The following TNKS variants were observed in gnomAD, a reference collection of about 807,000 sequenced individuals.
The protein encoded by TNKS is tankyrase, also known as poly [ADP-ribose] polymerase tankyrase-1.
A neutral mutation model predicts 135.8 loss-of-function variants in TNKS; 72 were observed. The observed-to-expected ratio is 0.53, with a 90% CI of 0.44 to 0.64. TNKS has a LOEUF of 0.64. Ranked by LOEUF, TNKS falls within the 30% of genes least tolerant of loss-of-function variation. TNKS has a pLI of 0.00. For missense variants in TNKS, 1,769 were observed against 1,674.0 expected (o/e 1.06, Z -0.99); for synonymous variants, 849 against 649.3 (o/e 1.31, Z -4.68).
chr8:9,660,181 C>T (rs974399333), intron 3 of TNKS, among the ~76,000 whole-genome samples: 1 of 152,196 alleles, frequency 6.6e-6, no homozygotes, highest in Non-Finnish European at 1.5e-5. Flanking sequence ...GGTACCATTC[C>T]TTCTGAAACT....
intron 3 of TNKS, among the ~76,000 whole-genome samples, chr8:9,630,052 C>A (rs886924054): frequency 9.9e-5 from 15 of 152,194 alleles, no homozygotes; most frequent in Non-Finnish European, 1.9e-4. Context: ...CCTGACCTCT[C>A]AAATGGGCTA....
At chr8:9,750,747 A>T (rs1806479267) in intron 18 of TNKS, among the ~76,000 whole-genome samples, 1 of 152,200 alleles carries the variant, frequency 6.6e-6, no homozygotes, top group Admixed American at 6.5e-5. Context: ...GTTTAACGTG[A>T]CAATTTATTA....
Position 9,780,371 on chromosome 8 carries a change from G to A in TNKS, c.*3635G>A, listed in dbSNP as rs1406896164. 5 of 152,142 alleles carry A rather than the reference G, an allele frequency of 3.3e-5. No individual in the cohort carries two copies. Among genetic ancestry groups the A allele is most frequent in the African/African-American group, 1.2e-4 (5 of 41,422 alleles). 9.4% of individuals were successfully genotyped at this position (152,142 alleles called of 1,614,324 possible). On this transcript the variant is annotated 3_prime_UTR_variant, in exon 27 of 27. Transcript: ENST00000310430. ...TGTTGGACTAATTGTCTCACGTAAA[G>A]CTATAGACCTTACTAATTTGGCAGG...
intron 3 of TNKS, among the ~76,000 whole-genome samples, chr8:9,630,495 C>G (rs1294486723): frequency 2.0e-5 from 3 of 152,146 alleles, no homozygotes; most frequent in African/African-American, 7.2e-5. Flanking sequence ...TCTGCAAGTT[C>G]TACTTTCAGC....
chr8:9,572,806 C>T (rs1011881089), intron 1 of TNKS, among the ~76,000 whole-genome samples: 1 of 152,214 alleles, frequency 6.6e-6, no homozygotes, highest in African/African-American at 2.4e-5. Flanking sequence ...TTTAGAGATA[C>T]TCAAAAGTGT....
chr8:9,603,805 A>T (rs6601340), intron 2 of TNKS, among the ~76,000 whole-genome samples: 63,398 of 152,012 alleles, frequency 0.42, 13,654 homozygotes, highest in East Asian at 0.6. Flanking sequence ...CAAGAGAAAC[A>T]TAATAGCACG....
chr8:9,672,273 G>C (rs973451525), intron 3 of TNKS, among the ~76,000 whole-genome samples: 1 of 152,068 alleles, frequency 6.6e-6, no homozygotes, highest in African/African-American at 2.4e-5. Flanking sequence ...GCAGTTTTAG[G>C]CATCCACTTA....
At chr8:9,745,092 C>G (rs908879474) in intron 17 of TNKS, among the ~76,000 whole-genome samples, 1 of 152,108 alleles carries the variant, frequency 6.6e-6, no homozygotes, top group African/African-American at 2.4e-5. Flanking sequence ...AGCTTGTAAC[C>G]TCACTGGGGA....
At chr8:9,727,590 T>C (rs1206082716) in intron 13 of TNKS, among the ~76,000 whole-genome samples, 1 of 152,210 alleles carries the variant, frequency 6.6e-6, no homozygotes, top group Non-Finnish European at 1.5e-5. Flanking sequence ...CCTTTATTAT[T>C]TTTATCGAAA....
intron 3 of TNKS, among the ~76,000 whole-genome samples, chr8:9,648,263 CT>C (rs1470017271): frequency 2.0e-5 from 3 of 151,974 alleles, no homozygotes; most frequent in Admixed American, 2.0e-4. Flanking sequence ...CTTCCTGTAA[CT>C]TTTTTCACTT....
chr8:9,584,244 A>G (rs1447363096), intron 2 of TNKS, among the ~76,000 whole-genome samples: 1 of 151,854 alleles, frequency 6.6e-6, no homozygotes, highest in East Asian at 1.9e-4. Flanking sequence ...ATTAGTATCC[A>G]ATTCTTTTTC....
chr8:9,662,400 G>A (rs1263865735), intron 3 of TNKS, among the ~76,000 whole-genome samples: 1 of 152,140 alleles, frequency 6.6e-6, no homozygotes, highest in Non-Finnish European at 1.5e-5. Flanking sequence ...ATACACCATG[G>A]AATACTATGC....
intron 2 of TNKS, among the ~76,000 whole-genome samples, chr8:9,587,009 G>T (rs186959635): frequency 6.6e-6 from 1 of 152,274 alleles, no homozygotes; most frequent in Admixed American, 6.5e-5. Context: ...GAAGTTACAT[G>T]CTATATGTGG....
In TNKS at chr8:9,710,037, A is replaced by G; in HGVS notation, c.1661A>G (p.Lys554Arg). 1.2e-6 allele frequency: 2 copies of G among 1,613,872 alleles called. No individual in the cohort carries two copies. The highest frequency in any genetic ancestry group is 2.2e-5 in the East Asian group (1 of 44,878). ...LLRKGANVNE[K>R]NKDFMTPLHV... ...AGAAAAGGAGCAAATGTTAATGAAA[A>G]AAATAAAGAGTAAGTATAATTGCAG... The change falls in exon 10 of 27, where the codon AAA (lysine) becomes AGA (arginine). Residue 554 changes from lysine (K) to arginine (R), a missense_variant. By Grantham distance (26) the Lys-to-Arg change is conservative. Around this residue, in one of 5 missense-constraint regions of TNKS, gnomAD observed 523 missense variants for 541.0 expected, o/e 0.97. Transcript: ENST00000310430.
intron 5 of TNKS, among the ~76,000 whole-genome samples, chr8:9,682,103 T>C (rs1563164586): frequency 6.6e-6 from 1 of 152,142 alleles, no homozygotes; most frequent in South Asian, 2.1e-4. Flanking sequence ...TTTCACACTC[T>C]TGTGTGCACT....
intron 3 of TNKS, among the ~76,000 whole-genome samples, chr8:9,659,216 C>A (rs566374704): frequency 7.2e-5 from 11 of 152,198 alleles, no homozygotes; most frequent in African/African-American, 2.2e-4. Flanking sequence ...AGTTGAACTC[C>A]GCTCTGCACC....
chr8:9,712,723 T>C (rs1018184159), intron 11 of TNKS, among the ~76,000 whole-genome samples: 4 of 151,356 alleles, frequency 2.6e-5, no homozygotes, highest in Admixed American at 6.6e-5. Flanking sequence ...ACCCCGTCTC[T>C]ACAAATAATA....
chr8:9,686,672 AT>A (rs1489558073), intron 5 of TNKS, among the ~76,000 whole-genome samples: 2 of 152,176 alleles, frequency 1.3e-5, no homozygotes, highest in African/African-American at 4.8e-5. Flanking sequence ...GTTCTTTTGA[AT>A]TTATATCTTA....
At chr8:9,717,090 TATATATA>T (rs1563187736) in intron 11 of TNKS, among the ~76,000 whole-genome samples, 4 of 127,476 alleles carry the variant, frequency 3.1e-5, no homozygotes, top group African/African-American at 1.1e-4. Flanking sequence ...TATATATATA[TATATATA>T]TATATTTTCA....
Sources: gnomAD v4.1 joint callset for allele counts (sites outside exome capture counted in the v4.1 genomes callset) on GRCh38, gnomAD v4.1.1 for gene constraint, gnomAD v4.1.1 regional missense constraint, MANE v1.5 for transcripts, NCBI Gene and HGNC (gene_info 2026-07-23, HGNC 2026-07-21) for gene names.